RASGRF2: variants seen among roughly 807,000 people sequenced by gnomAD.
RASGRF2 encodes Ras protein specific guanine nucleotide releasing factor 2, also known as ras-specific guanine nucleotide-releasing factor 2.
In RASGRF2, 76 loss-of-function variants were observed where a neutral mutation model predicts 151.0. The observed-to-expected ratio is 0.50, with a 90% CI of 0.42 to 0.61. RASGRF2 has a LOEUF of 0.61. Among genes scored for constraint, RASGRF2 ranks in the 20% least tolerant of loss-of-function variants. RASGRF2 has a pLI of 0.00. For synonymous variants in RASGRF2, 504 were observed against 566.5 expected (o/e 0.89, Z 1.57); for missense variants, 1,148 against 1,564.6 (o/e 0.73, Z 4.49).
At chr5:81,187,796 A>G (rs1755064229) in intron 18 of RASGRF2, among the ~76,000 whole-genome samples, 2 of 152,328 alleles carry the variant, frequency 1.3e-5, no homozygotes, top group Middle Eastern at 3.4e-3. Flanking sequence ...ATGTGAGTGG[A>G]CATAGTTCAT....
At chr5:81,056,935 A>C (rs1487246104) in intron 2 of RASGRF2, among the ~76,000 whole-genome samples, 2 of 152,080 alleles carry the variant, frequency 1.3e-5, no homozygotes, top group African/African-American at 4.8e-5. Context: ...GTTTTATCAG[A>C]GACTAGGATT....
chr5:81,174,807 G>A (rs1754736780), intron 17 of RASGRF2, among the ~76,000 whole-genome samples: 1 of 152,144 alleles, frequency 6.6e-6, no homozygotes. Context: ...ACAAGTAAAG[G>A]TTTTGCCTTA....
At chr5:81,222,571 G>A (rs1320396995) in intron 26 of RASGRF2, among the ~76,000 whole-genome samples, 1 of 152,138 alleles carries the variant, frequency 6.6e-6, no homozygotes, top group Admixed American at 6.5e-5. Flanking sequence ...CTTACTGCTG[G>A]AGTCACCATT....
intron 1 of RASGRF2, among the ~76,000 whole-genome samples, chr5:80,995,969 A>G (rs1748844349): frequency 1.3e-5 from 2 of 152,160 alleles, no homozygotes; most frequent in East Asian, 3.9e-4. Flanking sequence ...CTGGGATTAC[A>G]GGTGTGAGAC....
chr5:81,016,214 G>A (rs1749632685), intron 1 of RASGRF2, among the ~76,000 whole-genome samples: 1 of 152,158 alleles, frequency 6.6e-6, no homozygotes, highest in Non-Finnish European at 1.5e-5. Flanking sequence ...AAACTTGTAT[G>A]AGAATTTAAC....
chr5:81,049,120 T>G (rs1369688354), intron 2 of RASGRF2, among the ~76,000 whole-genome samples: 1 of 150,152 alleles, frequency 6.7e-6, no homozygotes, highest in Non-Finnish European at 1.5e-5. Flanking sequence ...ATTTAATACT[T>G]ACTTTTGAAT....
At chr5:81,095,543 G>A (rs1352603250) in intron 12 of RASGRF2, among the ~76,000 whole-genome samples, 3 of 152,120 alleles carry the variant, frequency 2.0e-5, no homozygotes, top group African/African-American at 7.2e-5. Flanking sequence ...CATTTATTTA[G>A]GAAATAATAT....
intron 17 of RASGRF2, among the ~76,000 whole-genome samples, chr5:81,151,614 G>A (rs548713233): frequency 6.6e-5 from 10 of 152,124 alleles, no homozygotes; most frequent in Non-Finnish European, 1.5e-4. Flanking sequence ...CAAGATGCTC[G>A]AATACTTCCC....
At chr5:81,108,887 A>G in intron 12 of RASGRF2, 109 bp from the exon 13 acceptor site, 1 of 1,392,940 alleles carries the variant, frequency 7.2e-7, no homozygotes, top group South Asian at 1.5e-5. Flanking sequence ...TGTGTAAGAG[A>G]CAGGGAGAGA....
intron 18 of RASGRF2, among the ~76,000 whole-genome samples, chr5:81,193,818 C>T (rs1254958175): frequency 2.6e-5 from 4 of 152,106 alleles, no homozygotes; most frequent in Admixed American, 6.5e-5. Flanking sequence ...GTGCCCAGCT[C>T]GATAGTTGCT....
chr5:81,215,927 T>C lies in RASGRF2; in HGVS notation c.3406T>C (p.Phe1136Leu). Residue 1136 changes from phenylalanine (F) to leucine (L), a missense_variant, in exon 24 of 27, where the codon TTT becomes CTT. Physicochemically the swap from Phe to Leu is conservative, Grantham distance 22. This residue lies in a region of RASGRF2 where 100 missense variants were observed against 148.2 expected (regional missense o/e 0.67). Coordinates refer to ENST00000265080, the MANE Select transcript of RASGRF2 (RefSeq NM_006909.3). ...AAAGACTGTTTCCTCTGAAGGAAGA[T>C]TTAAAAATCTTAGAGAAACCCTTAA... Reference protein sequence around the residue: ...LQKTVSSEGRFKNLRETLKNC... With the variant: ...LQKTVSSEGRLKNLRETLKNC... 1.3e-6 allele frequency: 2 copies of C among 1,545,648 alleles called. No homozygotes were observed. The highest frequency in any genetic ancestry group is 1.7e-6 in the Non-Finnish European group (2 of 1,155,532).
At chr5:81,028,813 G>A (rs1298764747) in intron 1 of RASGRF2, among the ~76,000 whole-genome samples, 3 of 152,206 alleles carry the variant, frequency 2.0e-5, no homozygotes, top group African/African-American at 7.2e-5. Flanking sequence ...CAGACAGTGG[G>A]TGCAGCCCAT....
chr5:81,094,970 C>A lies in RASGRF2; in HGVS notation c.1733C>A (p.Ala578Asp), dbSNP rs1347967468. The A allele has an allele frequency of 1.9e-6, 3 of 1,556,672 alleles. No homozygotes were observed. Among genetic ancestry groups the A allele is most frequent in the African/African-American group, 1.4e-5 (1 of 72,734 alleles). ...LLAPSRQEKAAWMSDISQCVD... is the reference protein window; with the variant it reads ...LLAPSRQEKADWMSDISQCVD... The stretch of plus-strand genomic sequence containing the variant: ...GCACCCTCACGCCAGGAGAAAGCTG[C>A]CTGGATGAGTGACATCAGTCAGGTA... Residue 578 changes from alanine to aspartate, a missense_variant, in exon 12 of 27, where the codon GCC becomes GAC. Transcript: ENST00000265080.
chr5:81,065,813 A>G (rs757385342), intron 2 of RASGRF2, among the ~76,000 whole-genome samples: 29 of 152,116 alleles, frequency 1.9e-4, no homozygotes, highest in Non-Finnish European at 3.8e-4. Context: ...TACAAATTCC[A>G]TTATATAGGT....
chr5:81,196,518 C>G (rs547425639), intron 18 of RASGRF2, among the ~76,000 whole-genome samples: 1 of 152,182 alleles, frequency 6.6e-6, no homozygotes, highest in Non-Finnish European at 1.5e-5. Flanking sequence ...CCTCTCAGAC[C>G]AGTCTTCCCA....
At chr5:81,043,244 A>G (rs1750734968) in intron 2 of RASGRF2, among the ~76,000 whole-genome samples, 1 of 152,210 alleles carries the variant, frequency 6.6e-6, no homozygotes, top group Admixed American at 6.5e-5. Flanking sequence ...GCCAAGCACT[A>G]TTATATGTGC....
At chr5:81,162,000 A>G (rs1329508098) in intron 17 of RASGRF2, among the ~76,000 whole-genome samples, 1 of 151,812 alleles carries the variant, frequency 6.6e-6, no homozygotes, top group Non-Finnish European at 1.5e-5. Context: ...AGGCAAGCAT[A>G]GACTGAGGCA....
intron 17 of RASGRF2, among the ~76,000 whole-genome samples, chr5:81,164,456 G>GA (rs5869074): frequency 0.6 from 88,355 of 147,304 alleles, 28,405 homozygotes; most frequent in East Asian, 0.75. Context: ...CACGTTTGAT[G>GA]AAAAAAAAAA....
Position 81,034,813 on chromosome 5 carries a change from G to GA in RASGRF2, c.289-8064_289-8063insA, listed in dbSNP as rs1417931467. Among the ~76,000 whole-genome samples the GA allele has an allele frequency of 2.3e-3, 295 of 128,994 alleles. 12 individuals carry two copies. The highest frequency in any genetic ancestry group is 8.6e-3 in the African/African-American group (285 of 33,194). 84.6% of individuals were successfully genotyped at this position (128,994 alleles called of 152,430 possible). Reference sequence around the variant, plus strand: ...GGGGACTGTTGTGGGGTGGGAGGGGGGTAGGGATAGCATTGGGAGATATAC... The same window carrying GA: ...GGGGACTGTTGTGGGGTGGGAGGGGGAGTAGGGATAGCATTGGGAGATATAC... On this transcript the variant is annotated intron_variant, in intron 1 of 26. Coordinates refer to ENST00000265080, the MANE Select transcript of RASGRF2 (RefSeq NM_006909.3).
Sources: allele counts gnomAD v4.1 joint callset (sites outside exome capture counted in the v4.1 genomes callset), GRCh38; gene constraint gnomAD v4.1.1; regional missense constraint gnomAD v4.1.1; transcripts MANE v1.5; gene names NCBI Gene and HGNC (gene_info 2026-07-23, HGNC 2026-07-21).